KLHL29: variants seen among roughly 807,000 people sequenced by gnomAD.
The protein encoded by KLHL29 is kelch-like protein 29.
In KLHL29, 21 loss-of-function variants were observed where a neutral mutation model predicts 80.4. The observed-to-expected ratio is 0.26, with a 90% confidence interval of 0.19 to 0.38. The LOEUF is 0.38. Among genes scored for constraint, KLHL29 ranks in the 10% least tolerant of loss-of-function variants. The pLI is 1.00. For synonymous variants in KLHL29, 511 were observed against 526.8 expected, an observed-to-expected ratio of 0.97 and a Z score of 0.41; for missense variants, 867 against 1,223.9, an observed-to-expected ratio of 0.71 and a Z score of 4.35.
At chr2:23,420,962 C>T (rs1662781359) in intron 1 of KLHL29, among the ~76,000 whole-genome samples, 1 of 152,124 alleles carries the variant, frequency 6.6e-6, no homozygotes, top group Non-Finnish European at 1.5e-5. Context: ...TCAACAGAGA[C>T]CTTAGAGACC....
At chr2:23,536,336 G>A (rs370167470) in intron 2 of KLHL29, among the ~76,000 whole-genome samples, 118 of 152,322 alleles carry the variant, frequency 7.7e-4, no homozygotes, top group Non-Finnish European at 1.5e-3. Context: ...TCCAAGCTGC[G>A]GAAATTAGAG....
At chr2:23,679,336 T>G (rs1387877545) in intron 5 of KLHL29, among the ~76,000 whole-genome samples, 1 of 152,226 alleles carries the variant, frequency 6.6e-6, no homozygotes, top group African/African-American at 2.4e-5. Flanking sequence ...AAATGCCTCA[T>G]CTGGGACAGC....
At chr2:23,615,174 C>G (rs1033691212) in intron 3 of KLHL29, among the ~76,000 whole-genome samples, 10 of 152,240 alleles carry the variant, frequency 6.6e-5, no homozygotes, top group Non-Finnish European at 1.2e-4. Flanking sequence ...AGGCCTTCTC[C>G]TGGGCTTCGG....
At chr2:23,395,575 T>G (rs918186249) in intron 1 of KLHL29, among the ~76,000 whole-genome samples, 1 of 151,966 alleles carries the variant, frequency 6.6e-6, no homozygotes, top group Non-Finnish European at 1.5e-5. Context: ...TGAAACCCGG[T>G]CTCTACCAAA....
At chr2:23,527,843 T>C (rs1666373169) in intron 2 of KLHL29, among the ~76,000 whole-genome samples, 1 of 152,170 alleles carries the variant, frequency 6.6e-6, no homozygotes, top group African/African-American at 2.4e-5. Context: ...GAGTCAGCTT[T>C]CTGCATTGAA....
intron 2 of KLHL29, among the ~76,000 whole-genome samples, chr2:23,479,333 C>T (rs887732039): frequency 4.6e-5 from 7 of 152,074 alleles, no homozygotes; most frequent in Admixed American, 4.6e-4. Flanking sequence ...CCGTTCCCTG[C>T]CTGGTGCCCT....
At chr2:23,390,973 A>G (rs1054054389) in intron 1 of KLHL29, among the ~76,000 whole-genome samples, 2 of 152,228 alleles carry the variant, frequency 1.3e-5, no homozygotes, top group Non-Finnish European at 2.9e-5. Flanking sequence ...CATTCGTAGC[A>G]TTCACATTGT....
chr2:23,493,456 A>G (rs1300222844), intron 2 of KLHL29, among the ~76,000 whole-genome samples: 1 of 152,224 alleles, frequency 6.6e-6, no homozygotes, highest in African/African-American at 2.4e-5. Context: ...AAATGAAACT[A>G]TTTAAATACA....
chr2:23,704,768 CA>C (rs1401598715), intron 13 of KLHL29, among the ~76,000 whole-genome samples: 1 of 151,968 alleles, frequency 6.6e-6, no homozygotes, highest in Non-Finnish European at 1.5e-5. Context: ...CTCCGTCTCA[CA>C]AAAAAGAAGG....
intron 2 of KLHL29, among the ~76,000 whole-genome samples, chr2:23,552,032 C>T (rs990208577): frequency 1.3e-5 from 2 of 152,246 alleles, no homozygotes; most frequent in Admixed American, 6.5e-5. Flanking sequence ...GATGTAGTGG[C>T]TCTAAAAGAA....
chr2:23,637,609 C>T (rs1457987849), intron 3 of KLHL29, among the ~76,000 whole-genome samples: 3 of 152,198 alleles, frequency 2.0e-5, no homozygotes, highest in African/African-American at 2.4e-5. Flanking sequence ...TAATGGGATA[C>T]GGCTCCCGTT....
At chr2:23,397,559 G>A (rs1325937568) in intron 1 of KLHL29, among the ~76,000 whole-genome samples, 10 of 152,172 alleles carry the variant, frequency 6.6e-5, no homozygotes, top group Non-Finnish European at 1.5e-4. Flanking sequence ...AGACACCTGG[G>A]CCAAGTATAG....
At position 23,682,875 on chromosome 2, in the gene KLHL29, C is replaced by T. The variant is rs1027555974; in HGVS notation, c.941-1524C>T. On this transcript the variant is annotated intron_variant, in intron 5 of 13. Transcript: ENST00000486442. The surrounding 1 kb of genome is among the most constrained non-coding windows in gnomAD (Gnocchi z 4.1). ...CAGACTCAGTGTGACTTGGGGTTGG[C>T]GGGGTCAGTGATTCGGCCTTGCCAT... Among the ~76,000 whole-genome samples the T allele has an allele frequency of 1.9e-4, 22 of 116,532 alleles. No individual in the cohort carries two copies. Among genetic ancestry groups the T allele is most frequent in the African/African-American group, 6.9e-4 (20 of 28,798 alleles). 76.4% of individuals were successfully genotyped at this position (116,532 alleles called of 152,430 possible).
chr2:23,619,751 G>T (rs947315357), intron 3 of KLHL29, among the ~76,000 whole-genome samples: 6 of 152,182 alleles, frequency 3.9e-5, no homozygotes, highest in Admixed American at 6.5e-5. Context: ...CACGTCTGGG[G>T]CGCTGGTAAA....
In KLHL29 at chr2:23,684,334, TTTTAATTAAAAAAAAAA is replaced by T. The variant is rs1671176020; in HGVS notation, c.941-64_941-48del. ...TTCTTGAAAAAAGAAAAAAAACTTT[TTTTAATTAAAAAAAAAA>T]AAACTCTTAATGGGAACCTGGCCCT... On this transcript the variant is annotated intron_variant, in intron 5 of 13. Transcript: ENST00000486442. This position sits in a 1 kb window ranked among gnomAD's most constrained non-coding sequence, Gnocchi z 4.4. The T allele has an allele frequency of 8.0e-7, 1 of 1,255,546 alleles. No individual in the cohort carries two copies. The highest frequency in any genetic ancestry group is 3.6e-5 in the Admixed American group (1 of 27,608). The allele number at this position is 1,255,546 out of a possible 1,614,324, so 77.8% of individuals were successfully genotyped here.
At chr2:23,487,471 G>A (rs1664965939) in intron 2 of KLHL29, among the ~76,000 whole-genome samples, 1 of 152,192 alleles carries the variant, frequency 6.6e-6, no homozygotes, top group African/African-American at 2.4e-5. Flanking sequence ...TCCTGGGGAA[G>A]AAGTTCTTTG....
intron 2 of KLHL29, among the ~76,000 whole-genome samples, chr2:23,478,180 G>A (rs191432582): frequency 6.0e-4 from 91 of 152,240 alleles, no homozygotes; most frequent in African/African-American, 1.9e-3. Context: ...TCTGTGTTCC[G>A]CTCCCTCTGC....
intron 1 of KLHL29, among the ~76,000 whole-genome samples, chr2:23,445,037 A>G (rs116386240): frequency 2.6e-5 from 4 of 152,240 alleles, no homozygotes; most frequent in South Asian, 2.1e-4. Flanking sequence ...AACAAAACCA[A>G]TTTTTTTCCT....
intron 2 of KLHL29, among the ~76,000 whole-genome samples, chr2:23,552,846 G>A (rs960174159): frequency 2.1e-5 from 3 of 140,678 alleles, no homozygotes; most frequent in Admixed American, 7.8e-5. Context: ...TGCAACCTCC[G>A]CCTCCCAGGT....
Sources: allele counts gnomAD v4.1 joint callset (sites outside exome capture counted in the v4.1 genomes callset), GRCh38; gene constraint gnomAD v4.1.1; non-coding constraint Gnocchi (gnomAD v3.1); transcripts MANE v1.5; gene names NCBI Gene and HGNC (gene_info 2026-07-23, HGNC 2026-07-21).